The following DNAH17 variants were observed in gnomAD, a reference collection of about 807,000 sequenced individuals.
DNAH17 encodes dynein axonemal heavy chain 17.
DNAH17 carries 376 observed loss-of-function variants against 485.6 expected under a neutral mutation model. The observed-to-expected ratio is 0.77, with a 90% CI of 0.71 to 0.84. DNAH17 has a LOEUF of 0.84. Among genes scored for constraint, DNAH17 ranks in the 40% least tolerant of loss-of-function variants. The probability of loss-of-function intolerance (pLI) is 0.00; values close to 1 mark genes in which losing one functional copy is unlikely to be tolerated. For synonymous variants in DNAH17, 3,031 were observed against 2,405.9 expected (o/e 1.26, Z -7.60); for missense variants, 6,370 against 5,839.3 (o/e 1.09, Z -2.96).
intron 57 of DNAH17, 87 bp downstream of exon 57, chr17:78,462,757 C>A: frequency 7.4e-7 from 1 of 1,353,716 alleles, no homozygotes; most frequent in African/African-American, 1.4e-5. Context: ...CCAGTGTGAC[C>A]AGCCCGTGGA....
chr17:78,552,798 G>A lies in DNAH17; in HGVS notation c.2186C>T (p.Thr729Ile), dbSNP rs751123860. 2 of 1,607,212 alleles carry A rather than the reference G, an allele frequency of 1.2e-6. No individual in the cohort carries two copies. Among genetic ancestry groups the A allele is most frequent in the South Asian group, 2.2e-5 (2 of 90,910 alleles). Residue 729 changes from threonine to isoleucine, a missense_variant, in exon 15 of 81, where the codon ACT becomes ATT. Thr to Ile is a moderately conservative substitution (Grantham distance 89). Coordinates refer to ENST00000389840, the MANE Select transcript of DNAH17 (RefSeq NM_173628.4). ...TAGAAATTCTACTGCCTTCACTATA[G>A]TCTTTATCTGAAAAACAGAGGTGAC... ...LIVGWYNEIK[T>I]IVKAVEFLLI...
At chr17:78,427,588 A>G (rs1293931955) in intron 77 of DNAH17, among the ~76,000 whole-genome samples, 1 of 152,194 alleles carries the variant, frequency 6.6e-6, no homozygotes, top group Non-Finnish European at 1.5e-5. Flanking sequence ...TCCTGGACCT[A>G]ATAGGAATAA....
chr17:78,451,906 T>C (rs1342920066), intron 65 of DNAH17, among the ~76,000 whole-genome samples: 1 of 152,076 alleles, frequency 6.6e-6, no homozygotes, highest in African/African-American at 2.4e-5. Context: ...GGCTCATCTT[T>C]GCAGCAGGGT....
At chr17:78,506,683 T>C in intron 30 of DNAH17, 37 bp downstream of exon 30, 1 of 1,613,146 alleles carries the variant, frequency 6.2e-7, no homozygotes, top group Non-Finnish European at 8.5e-7. Context: ...TGGCATGATG[T>C]TGGCTTAAAC....
intron 11 of DNAH17, among the ~76,000 whole-genome samples, chr17:78,565,399 A>G (rs1438667767): frequency 6.6e-6 from 1 of 152,244 alleles, no homozygotes; most frequent in Non-Finnish European, 1.5e-5. Flanking sequence ...TCAAACTCTC[A>G]TGTATTTGCA....
chr17:78,573,939 C>G (rs1036404401), intron 2 of DNAH17, among the ~76,000 whole-genome samples: 31 of 152,042 alleles, frequency 2.0e-4, no homozygotes, highest in African/African-American at 7.0e-4. Flanking sequence ...TGTGTCCCCC[C>G]CACCTACACA....
intron 1 of DNAH17, among the ~76,000 whole-genome samples, chr17:78,577,062 T>C (rs2092442932): frequency 1.3e-5 from 2 of 152,076 alleles, no homozygotes; most frequent in South Asian, 4.1e-4. Flanking sequence ...GGCAAGGCCT[T>C]CCCAGGAGCA....
intron 11 of DNAH17, among the ~76,000 whole-genome samples, chr17:78,564,366 A>AT (rs2092224315): frequency 7.0e-6 from 1 of 142,004 alleles, no homozygotes; most frequent in African/African-American, 3.1e-5. Context: ...AAGTTACTTA[A>AT]TTTTTCAGAT....
Position 78,572,974 on chromosome 17 carries a change from G to T in DNAH17, c.346-80C>A, listed in dbSNP as rs12951733. ...CCGCACAGAGCCAGGTCCCCGGGGG[G>T]TTCCAAAGACCCGGTGTCTGGAGCC... On this transcript the variant is annotated intron_variant, in intron 2 of 80. Transcript: ENST00000389840. 0.24 allele frequency: 318,757 copies of T among 1,310,500 alleles called. 41,579 individuals are homozygous for T. Among genetic ancestry groups the T allele is most frequent in the East Asian group, 0.51 (20,453 of 40,196 alleles). The allele number at this position is 1,310,500 out of a possible 1,614,324, so 81.2% of individuals were successfully genotyped here. A position where few individuals can be genotyped will look rare whatever the true frequency, so the allele number is the denominator to read the frequency against.
At position 78,501,727 on chromosome 17, in the gene DNAH17, CA is replaced by C. The variant is rs761267813; in HGVS notation, c.5322+14del. On this transcript the variant is annotated intron_variant, in intron 34 of 80. Coordinates refer to ENST00000389840, the MANE Select transcript of DNAH17 (RefSeq NM_173628.4). ...CTTGCCCTTCCCCTGGCCCCTGGGA[CA>C]GGGGCGCTCATGCCTTGGCCACGAT... 4 of 1,610,828 alleles carry C rather than the reference CA, an allele frequency of 2.5e-6. No individual in the cohort carries two copies. The Admixed American group carries it at 5.0e-5, about 20-fold the overall frequency.
chr17:78,476,862 A>T, intron 51 of DNAH17, 129 bp from the exon 52 acceptor site: 2 of 1,149,438 alleles, frequency 1.7e-6, no homozygotes, highest in Non-Finnish European at 1.2e-6. Flanking sequence ...TTGGCACAGC[A>T]TTCACTTGGG....
Position 78,514,759 on chromosome 17 carries a change from C to A in DNAH17, c.4113+15G>T. ...GCCAGGGGCGGTCCCCTCCGCCCACCATGGTGCATGGTACCTGGGTGGCCT... is the reference window on the plus strand; with the variant it reads ...GCCAGGGGCGGTCCCCTCCGCCCACAATGGTGCATGGTACCTGGGTGGCCT... On this transcript the variant is annotated intron_variant, in intron 26 of 80. Transcript: ENST00000389840. The A allele has an allele frequency of 1.2e-6, 2 of 1,612,116 alleles. No individual in the cohort carries two copies. Among genetic ancestry groups the A allele is most frequent in the South Asian group, 2.2e-5 (2 of 91,028 alleles).
At chr17:78,533,627 C>T (rs1159986911) in intron 19 of DNAH17, among the ~76,000 whole-genome samples, 1 of 152,156 alleles carries the variant, frequency 6.6e-6, no homozygotes, top group African/African-American at 2.4e-5. Context: ...TGGAGAATCC[C>T]AAGGTGGTCG....
chr17:78,431,904 G>A (rs1459673319), intron 75 of DNAH17, among the ~76,000 whole-genome samples: 2 of 152,116 alleles, frequency 1.3e-5, no homozygotes, highest in African/African-American at 2.4e-5. Flanking sequence ...AGGTGCGGTG[G>A]CTCACGCCTG....
Position 78,491,486 on chromosome 17 carries a change from G to T in DNAH17, c.6626C>A (p.Pro2209His). ...KWIILDGDID[P>H]MWIESLNTVM... ...TGTGTTGAGAGACTCGATCCACATG[G>T]GGTCTATGTCTCCGTCAAGGATGAT... The change falls in exon 43 of 81, where the codon CCC becomes CAC. Residue 2209 changes from proline to histidine, a missense_variant. Pro to His is a moderately conservative substitution (Grantham distance 77). Coordinates refer to ENST00000389840, the MANE Select transcript of DNAH17 (RefSeq NM_173628.4). The T allele has an allele frequency of 1.2e-6, 2 of 1,613,516 alleles. 1 individual carries two copies. Among genetic ancestry groups the T allele is most frequent in the Middle Eastern group, 3.3e-4 (2 of 6,060 alleles).
At chr17:78,449,981 G>C in intron 68 of DNAH17, 1 of 517,458 alleles carries the variant, frequency 1.9e-6, no homozygotes, top group Middle Eastern at 2.8e-4. Context: ...AGGCCATCCA[G>C]TTTGTTTTGA....
chr17:78,542,751 G>T (rs1430254350), intron 17 of DNAH17, among the ~76,000 whole-genome samples: 2 of 152,198 alleles, frequency 1.3e-5, no homozygotes, highest in Non-Finnish European at 2.9e-5. Context: ...ATCCTAGGTA[G>T]CAAAGCAGGC....
intron 62 of DNAH17, among the ~76,000 whole-genome samples, chr17:78,458,046 C>T (rs1240440914): frequency 3.9e-5 from 6 of 152,192 alleles, no homozygotes; most frequent in South Asian, 2.1e-4. Context: ...TCCAGTGATC[C>T]GCCTGCCTCG....
chr17:78,446,912 A>G (rs1286818907), intron 69 of DNAH17, among the ~76,000 whole-genome samples: 1 of 152,136 alleles, frequency 6.6e-6, no homozygotes, highest in Admixed American at 6.5e-5. Flanking sequence ...CCAACGTACC[A>G]GGATTACAGG....
Sources: allele counts gnomAD v4.1 joint callset (sites outside exome capture counted in the v4.1 genomes callset), GRCh38; gene constraint gnomAD v4.1.1; transcripts MANE v1.5; gene names NCBI Gene and HGNC (gene_info 2026-07-23, HGNC 2026-07-21).